Variants in ANO1 observed in about 807,000 individuals in gnomAD.
ANO1 encodes the protein anoctamin 1.
Under a neutral mutation model 124.0 loss-of-function variants are expected in ANO1, and 59 were observed. The observed-to-expected ratio is 0.48, with a 90% confidence interval of 0.39 to 0.59. The LOEUF is 0.59. Among genes scored for constraint, ANO1 ranks in the 20% least tolerant of loss-of-function variants. ANO1 has a pLI of 0.00. For missense variants in ANO1, 1,059 were observed against 1,328.0 expected (o/e 0.80, Z 3.15); for synonymous variants, 529 against 532.0 (o/e 0.99, Z 0.08).
chr11:70,152,590 T>C (rs2047649306), intron 13 of ANO1, 129 bp downstream of exon 13: 2 of 1,090,010 alleles, frequency 1.8e-6, no homozygotes. Context: ...GGGTCTCTGC[T>C]TTCTCCCCAC....
chr11:70,094,732 C>G (rs958962297), intron 2 of ANO1, among the ~76,000 whole-genome samples: 7 of 152,206 alleles, frequency 4.6e-5, no homozygotes, highest in Non-Finnish European at 1.0e-4. Context: ...TGTTAGGAAC[C>G]TCTAGTCTAT....
Position 70,167,166 on chromosome 11 carries a change from A to G in ANO1, c.2052-76A>G, listed in dbSNP as rs181374083. The G allele has an allele frequency of 6.8e-5, 105 of 1,534,328 alleles. No individual in the cohort carries two copies. The East Asian group carries it at 1.8e-3, about 26-fold the overall frequency. ...CTGTCTCAAAAAGAAAAAAAGACAC[A>G]TCACTAGAGGTGCCAGACCCAAGCC... On this transcript the variant is annotated intron_variant, in intron 20 of 25. Transcript: ENST00000355303.
At chr11:70,063,146 G>A (rs1161425966) in intron 1 of ANO1, among the ~76,000 whole-genome samples, 1 of 152,162 alleles carries the variant, frequency 6.6e-6, no homozygotes, top group Non-Finnish European at 1.5e-5. Flanking sequence ...GGCCAGGCTG[G>A]TTTCAAACTC....
At position 70,056,768 on chromosome 11, in the gene ANO1, A is replaced by C. The variant is rs553662046; in HGVS notation, c.59-21774A>C. Among the ~76,000 whole-genome samples, 12 of 150,810 alleles carry C rather than the reference A, an allele frequency of 8.0e-5. No homozygotes were observed. The South Asian group carries it at 2.5e-3, about 32-fold the overall frequency. ...CTGTTTTTTTCAGAGTTCCAACTGC[A>C]CATAGGTTAGGTATGTTCAAAAGAC... On this transcript the variant is annotated intron_variant, in intron 1 of 27. Transcript: ENST00000531349.
intron 22 of ANO1, among the ~76,000 whole-genome samples, chr11:70,175,703 C>T (rs1009680638): frequency 6.6e-6 from 1 of 152,234 alleles, no homozygotes; most frequent in East Asian, 1.9e-4. Flanking sequence ...CGCCAAGTAC[C>T]TGGCTTTATC....
chr11:70,068,963 GC>G (rs558343428), intron 1 of ANO1, among the ~76,000 whole-genome samples: 14 of 152,322 alleles, frequency 9.2e-5, no homozygotes, highest in Admixed American at 2.6e-4. Context: ...GACCAGGGGG[GC>G]CCAGGCCCAT....
chr11:70,065,333 T>A (rs1555008379), intron 1 of ANO1: 1 of 152,234 alleles, frequency 6.6e-6, no homozygotes, highest in Non-Finnish European at 1.5e-5. Flanking sequence ...AGGCTTTGCA[T>A]ATTGCCGGGG....
chr11:70,146,333 T>A (rs1159098838), intron 11 of ANO1, among the ~76,000 whole-genome samples: 2 of 152,120 alleles, frequency 1.3e-5, no homozygotes, highest in African/African-American at 2.4e-5. Context: ...GTTGTGAGGA[T>A]GAGATTGACT....
At chr11:70,149,351 T>C (rs2047506225) in intron 11 of ANO1, among the ~76,000 whole-genome samples, 1 of 152,130 alleles carries the variant, frequency 6.6e-6, no homozygotes, top group South Asian at 2.1e-4. Context: ...CAAACACTGA[T>C]AAAGAAAAGA....
chr11:70,165,361 T>C, intron 19 of ANO1, 109 bp from the exon 20 acceptor site: 2 of 895,072 alleles, frequency 2.2e-6, no homozygotes, highest in Non-Finnish European at 3.5e-6. Flanking sequence ...GAGCGTCTTT[T>C]TTTGGAGGAC....
rs1319217178 is a variant in ANO1, at chr11:70,010,169, G to A, written c.58+24003G>A. Among the ~76,000 whole-genome samples the A allele has an allele frequency of 3.6e-3, 82 of 22,682 alleles. 5 individuals are homozygous for A. The East Asian group carries it at 0.22, about 62-fold the overall frequency. The allele number at this position is 22,682 out of a possible 152,430, so 14.9% of individuals were successfully genotyped here. A position where few individuals can be genotyped will look rare whatever the true frequency, so the allele number is the denominator to read the frequency against. On this transcript the variant is annotated intron_variant, in intron 1 of 27. Transcript: ENST00000531349. ...TGTGTGTGTGTGTGTGTGTGTGCGC[G>A]TGTGTGTGTGTATATATATATATAT...
At chr11:70,098,793 TCGGGCCA>T (rs1340050490) in intron 2 of ANO1, among the ~76,000 whole-genome samples, 1 of 152,146 alleles carries the variant, frequency 6.6e-6, no homozygotes, top group African/African-American at 2.4e-5. Context: ...GTCTAGGCCC[TCGGGCCA>T]CGGGGGCTGT....
At chr11:70,035,855 C>A (rs1346293168) in intron 1 of ANO1, among the ~76,000 whole-genome samples, 1 of 152,134 alleles carries the variant, frequency 6.6e-6, no homozygotes, top group Non-Finnish European at 1.5e-5. Context: ...CATATGGACT[C>A]ATTCTTTTTT....
chr11:70,034,051 A>G (rs1857053116), intron 1 of ANO1, among the ~76,000 whole-genome samples: 1 of 152,102 alleles, frequency 6.6e-6, no homozygotes, highest in South Asian at 2.1e-4. Context: ...TCTTGCAGCC[A>G]TCCATTCAAC....
rs151237027 is a variant in ANO1 at position 70,096,271 on chromosome 11, C to T, written c.442-6795C>T. 2.4e-3 allele frequency among the ~76,000 whole-genome samples: 366 copies of T among 152,300 alleles called. 2 individuals are homozygous for T. The highest frequency in any genetic ancestry group is 8.3e-3 in the African/African-American group (345 of 41,564). The stretch of plus-strand genomic sequence containing the variant: ...TCTGAGGTGCCCAGGTCTTCACAGG[C>T]GCCATGGCTGTAGGGGCCAGAGCTT... On this transcript the variant is annotated intron_variant, in intron 2 of 25. Coordinates refer to ENST00000355303, the MANE Select transcript of ANO1 (RefSeq NM_018043.7).
chr11:70,072,311 C>T (rs1225269960), intron 1 of ANO1: 6 of 152,258 alleles, frequency 3.9e-5, no homozygotes, highest in Admixed American at 6.5e-5. Flanking sequence ...CCCAGCAGCT[C>T]GGCTGCAGTA....
intron 1 of ANO1, among the ~76,000 whole-genome samples, chr11:70,044,747 C>T (rs1345845198): frequency 1.3e-5 from 2 of 152,094 alleles, no homozygotes; most frequent in Non-Finnish European, 2.9e-5. Context: ...GGCATATATT[C>T]TTTAAAACTG....
In ANO1 at chr11:70,031,338, G is replaced by C. The variant is rs540887584; in HGVS notation, c.58+45172G>C. 2.0e-5 allele frequency among the ~76,000 whole-genome samples: 3 copies of C among 152,244 alleles called. No individual in the cohort carries two copies. The South Asian group carries it at 6.2e-4, about 32-fold the overall frequency. On this transcript the variant is annotated intron_variant, in intron 1 of 27. Transcript: ENST00000531349. ...ACCTCATCCTCCTTTCATTGTTTGG[G>C]GTGAGACATTTGAAACATTTGAAAT...
At position 70,134,078 on chromosome 11, in the gene ANO1, T is replaced by C. The variant is rs369885603; in HGVS notation, c.1258+1999T>C. Among the ~76,000 whole-genome samples, 24 of 152,280 alleles carry C rather than the reference T, an allele frequency of 1.6e-4. No individual in the cohort carries two copies. The South Asian group carries it at 1.9e-3, about 12-fold the overall frequency. ...AGACCCTCCTCACCCTGGAATCTTATTGGGCAGCTCCGTGTCCTTAGCAGA... is the reference window on the plus strand; with the variant it reads ...AGACCCTCCTCACCCTGGAATCTTACTGGGCAGCTCCGTGTCCTTAGCAGA... On this transcript the variant is annotated intron_variant, in intron 11 of 25. Transcript: ENST00000355303.
Sources: gnomAD v4.1 joint callset for allele counts (sites outside exome capture counted in the v4.1 genomes callset) on GRCh38, gnomAD v4.1.1 for gene constraint, MANE v1.5 for transcripts, NCBI Gene and HGNC (gene_info 2026-07-23, HGNC 2026-07-21) for gene names.